Variants in FMN2 observed in about 807,000 individuals in gnomAD.
The protein encoded by FMN2 is formin 2.
Under a neutral mutation model 142.3 loss-of-function variants are expected in FMN2, and 51 were observed. The ratio of observed to expected loss-of-function variants is 0.36; its 90% CI spans 0.29 to 0.45. The LOEUF (loss-of-function observed/expected upper bound fraction) is 0.45, where lower values mean the gene tolerates loss of function less well. Among genes scored for constraint, FMN2 ranks in the 20% least tolerant of loss-of-function variants. The pLI is 1.00. For synonymous variants in FMN2, 882 were observed against 869.8 expected, an observed-to-expected ratio of 1.01 and a Z score of -0.25; for missense variants, 1,936 against 2,122.8, an observed-to-expected ratio of 0.91 and a Z score of 1.73.
chr1:240,436,196 A>G (rs1675362964), intron 15 of FMN2, among the ~76,000 whole-genome samples: 1 of 152,178 alleles, frequency 6.6e-6, no homozygotes, highest in Non-Finnish European at 1.5e-5. Context: ...CACATAGCGT[A>G]TGCACTTCAC....
chr1:240,188,301 CTTAT>C (rs1665565360), intron 4 of FMN2, 39 bp downstream of exon 4: 1 of 1,592,982 alleles, frequency 6.3e-7, no homozygotes, highest in Non-Finnish European at 8.6e-7. Context: ...TCCCATCTGT[CTTAT>C]TTGTCTTAAG....
chr1:240,167,230 G>A (rs1243589243), intron 2 of FMN2, among the ~76,000 whole-genome samples: 2 of 152,158 alleles, frequency 1.3e-5, no homozygotes, highest in Non-Finnish European at 2.9e-5. Flanking sequence ...TATCTCACTG[G>A]TAGTAATGTT....
intron 14 of FMN2, among the ~76,000 whole-genome samples, chr1:240,385,175 T>C (rs1279032580): frequency 6.6e-6 from 1 of 152,216 alleles, no homozygotes; most frequent in East Asian, 1.9e-4. Flanking sequence ...GGCTTTCTTA[T>C]TTTTGTTTCC....
At chr1:240,245,131 A>T (rs548115676) in intron 6 of FMN2, 233 of 205,404 alleles carry the variant, frequency 1.1e-3, no homozygotes, top group Non-Finnish European at 1.7e-3. Context: ...TGGGAAGTAC[A>T]GGGATGTTCA....
At chr1:240,105,357 C>T (rs1164212833) in intron 1 of FMN2, among the ~76,000 whole-genome samples, 1 of 152,026 alleles carries the variant, frequency 6.6e-6, no homozygotes, top group Non-Finnish European at 1.5e-5. Flanking sequence ...GATCCACTCA[C>T]CTCGGCCTCC....
At chr1:240,355,775 T>G (rs771519192) in intron 13 of FMN2, 41 bp from the exon 14 acceptor site, 1 of 1,459,102 alleles carries the variant, frequency 6.9e-7, no homozygotes, top group Non-Finnish European at 9.5e-7. Flanking sequence ...AATGCTCCAC[T>G]AACAGTGTGA....
chr1:240,456,779 C>G (rs1437687317), intron 16 of FMN2, among the ~76,000 whole-genome samples: 1 of 152,190 alleles, frequency 6.6e-6, no homozygotes, highest in South Asian at 2.1e-4. Flanking sequence ...TTCTAAAATC[C>G]TTCTAAGCCC....
chr1:240,151,829 C>T (rs190272063), intron 2 of FMN2, among the ~76,000 whole-genome samples: 2 of 152,084 alleles, frequency 1.3e-5, no homozygotes, highest in East Asian at 3.9e-4. Flanking sequence ...TGCAATGCTG[C>T]GATCATAGCT....
rs533495984 is a variant in FMN2, at chr1:240,125,074, C to T, written c.1782+1729C>T. 3.3e-5 allele frequency among the ~76,000 whole-genome samples: 5 copies of T among 152,294 alleles called. No homozygotes were observed. The South Asian group carries it at 8.3e-4, about 25-fold the overall frequency. On this transcript the variant is annotated intron_variant, in intron 2 of 17. Coordinates refer to ENST00000319653, the MANE Select transcript of FMN2 (RefSeq NM_020066.5). ...ATAAAATAATGATGAGCTTTAAAGA[C>T]AATGACAAAGCCCCAGCTGAGGTCA...
chr1:240,448,307 C>G (rs896509071), intron 16 of FMN2, among the ~76,000 whole-genome samples: 1 of 152,164 alleles, frequency 6.6e-6, no homozygotes. Context: ...TGTAAACCCA[C>G]TTCACGAACT....
chr1:240,460,676 A>G (rs1025047328), intron 16 of FMN2, among the ~76,000 whole-genome samples: 10 of 151,350 alleles, frequency 6.6e-5, no homozygotes, highest in African/African-American at 2.4e-4. Flanking sequence ...TAATGTATAT[A>G]TAATATGCAT....
chr1:240,467,025 A>G (rs1043065885), intron 16 of FMN2, among the ~76,000 whole-genome samples: 1 of 152,222 alleles, frequency 6.6e-6, no homozygotes, highest in African/African-American at 2.4e-5. Context: ...AAGGAAATAG[A>G]GTTTCTGCTT....
intron 2 of FMN2, among the ~76,000 whole-genome samples, chr1:240,139,943 G>A (rs1663109252): frequency 1.3e-5 from 2 of 152,130 alleles, no homozygotes; most frequent in African/African-American, 2.4e-5. Flanking sequence ...AAGGAGGGGA[G>A]CCAAGATTCT....
chr1:240,098,180 C>A (rs1186048870), intron 1 of FMN2, among the ~76,000 whole-genome samples: 1 of 145,534 alleles, frequency 6.9e-6, no homozygotes. Context: ...TGGCTCACTG[C>A]AACCTCCGCC....
intron 2 of FMN2, among the ~76,000 whole-genome samples, chr1:240,135,217 A>G (rs1662889729): frequency 1.3e-5 from 2 of 152,100 alleles, no homozygotes; most frequent in South Asian, 4.1e-4. Context: ...AGGGCTGGAG[A>G]TTGTTTTGCT....
intron 6 of FMN2, among the ~76,000 whole-genome samples, chr1:240,236,479 A>C (rs1667715301): frequency 6.6e-6 from 1 of 152,166 alleles, no homozygotes; most frequent in South Asian, 2.1e-4. Flanking sequence ...AATACCTGGG[A>C]CTGGGTATTT....
rs182046279 is a variant in FMN2, at chr1:240,267,953, A to G, written c.4153+9921A>G. ...CATCAGAGAAATGCAAATCCAAATC[A>G]TTATGAGATACCATTTTACACCAGT... On this transcript the variant is annotated intron_variant, in intron 7 of 17. Transcript: ENST00000319653. Among the ~76,000 whole-genome samples the G allele has an allele frequency of 2.3e-3, 348 of 152,242 alleles. 2 individuals are homozygous for G. The highest frequency in any genetic ancestry group is 5.1e-3 in the Admixed American group (78 of 15,270).
At chr1:240,204,060 A>G (rs1666233335) in intron 4 of FMN2, among the ~76,000 whole-genome samples, 1 of 151,872 alleles carries the variant, frequency 6.6e-6, no homozygotes, top group South Asian at 2.1e-4. Context: ...CTTGCCTATG[A>G]AAGTGTGTTA....
chr1:240,151,208 T>G (rs1663757343), intron 2 of FMN2, among the ~76,000 whole-genome samples: 1 of 152,168 alleles, frequency 6.6e-6, no homozygotes, highest in Admixed American at 6.6e-5. Context: ...CATTTTTAAA[T>G]GATGATAATA....
Sources: allele counts gnomAD v4.1 joint callset (sites outside exome capture counted in the v4.1 genomes callset), GRCh38; gene constraint gnomAD v4.1.1; transcripts MANE v1.5; gene names NCBI Gene and HGNC (gene_info 2026-07-23, HGNC 2026-07-21).